Variants in ZDHHC3 observed in about 807,000 individuals in gnomAD.
ZDHHC3 encodes zDHHC palmitoyltransferase 3.
In ZDHHC3, 9 loss-of-function variants were observed where a neutral mutation model predicts 30.6. That is an observed-to-expected ratio of 0.29 (90% CI 0.18 to 0.51). The LOEUF is 0.51. ZDHHC3 is among the 20% of genes least tolerant of loss of function. ZDHHC3 has a pLI of 0.97. For synonymous variants in ZDHHC3, 136 were observed against 140.2 expected, an observed-to-expected ratio of 0.97 and a Z score of 0.21; for missense variants, 246 against 384.2, an observed-to-expected ratio of 0.64 and a Z score of 3.01.
intron 2 of ZDHHC3, among the ~76,000 whole-genome samples, chr3:44,948,355 A>C (rs1263024629): frequency 6.6e-6 from 1 of 152,186 alleles, no homozygotes; most frequent in Non-Finnish European, 1.5e-5. Context: ...AAACAGAAAA[A>C]TCTTTAAGTG....
intron 3 of ZDHHC3, among the ~76,000 whole-genome samples, chr3:44,943,795 C>T (rs898379117): frequency 3.3e-5 from 5 of 152,090 alleles, no homozygotes; most frequent in African/African-American, 1.2e-4. Context: ...CACTTGAGCC[C>T]AGGAGTTCGA....
rs567137555 is a variant in ZDHHC3 at position 44,917,447 on chromosome 3, G to A, written c.*9242C>T. On this transcript the variant is annotated 3_prime_UTR_variant, in exon 7 of 7. Transcript: ENST00000424952. ...CAGGTCCCCAAGGCAAGCCCTGCCC[G>A]GTCCTTCTGTCACAACCTTACTTCT... The A allele has an allele frequency of 2.2e-5, 4 of 181,106 alleles. No homozygotes were observed. The highest frequency in any genetic ancestry group is 3.6e-5 in the Non-Finnish European group (3 of 83,950). The allele number at this position is 181,106 out of a possible 1,614,324, so 11.2% of individuals were successfully genotyped here.
At position 44,918,946 on chromosome 3, in the gene ZDHHC3, G is replaced by C; in HGVS notation, c.*7743C>G. 1 of 985,604 alleles carries C rather than the reference G, an allele frequency of 1.0e-6. No homozygotes were observed. The highest frequency in any genetic ancestry group is 1.2e-6 in the Non-Finnish European group (1 of 830,078). 61.1% of individuals were successfully genotyped at this position (985,604 alleles called of 1,614,324 possible). ...CCTTTGACCCTCCACTGGGGGCACTGCTTTCTCCATCTCTTCTGGAAGCCA... is the reference window on the plus strand; with the variant it reads ...CCTTTGACCCTCCACTGGGGGCACTCCTTTCTCCATCTCTTCTGGAAGCCA... On this transcript the variant is annotated 3_prime_UTR_variant, in exon 7 of 7. Transcript: ENST00000424952.
At chr3:44,975,693 G>A (rs1427802112) in intron 1 of ZDHHC3, among the ~76,000 whole-genome samples, 1 of 151,540 alleles carries the variant, frequency 6.6e-6, no homozygotes, top group East Asian at 1.9e-4. Context: ...GGGGAGAAGA[G>A]CAGGGAAACA....
chr3:44,950,973 C>T (rs1259296663), intron 2 of ZDHHC3, among the ~76,000 whole-genome samples: 2 of 152,200 alleles, frequency 1.3e-5, no homozygotes, highest in Non-Finnish European at 2.9e-5. Context: ...TCAAAATGCA[C>T]TGACTTTATC....
intron 2 of ZDHHC3, among the ~76,000 whole-genome samples, chr3:44,954,233 G>A (rs988945498): frequency 9.2e-5 from 14 of 152,096 alleles, no homozygotes; most frequent in East Asian, 1.9e-4. Flanking sequence ...GTAGACAGAC[G>A]AATTTTCTTT....
intron 1 of ZDHHC3, among the ~76,000 whole-genome samples, chr3:44,972,529 C>T (rs1284323797): frequency 5.3e-5 from 8 of 152,146 alleles, no homozygotes; most frequent in Admixed American, 3.9e-4. Context: ...TTGTAACTGG[C>T]TTTTATTGGT....
At chr3:44,971,413 A>C (rs1433013900) in intron 1 of ZDHHC3, among the ~76,000 whole-genome samples, 2 of 152,284 alleles carry the variant, frequency 1.3e-5, no homozygotes, top group Non-Finnish European at 2.9e-5. Flanking sequence ...GTTGACAGCC[A>C]TGAATGAACT....
chr3:44,921,379 C>T lies in ZDHHC3; in HGVS notation c.*5310G>A, dbSNP rs1196121459. ...TCTCTTCATAGCGGGCCAGATAACA[C>T]TGTCTCTCCTCATCAGAGATTTCAT... On this transcript the variant is annotated 3_prime_UTR_variant, in exon 7 of 7. Transcript: ENST00000424952. 2.0e-6 allele frequency: 2 copies of T among 985,334 alleles called. No individual in the cohort carries two copies. Among genetic ancestry groups the T allele is most frequent in the African/African-American group, 3.5e-5 (2 of 57,248 alleles). The allele number at this position is 985,334 out of a possible 1,614,324, so 61.0% of individuals were successfully genotyped here.
intron 1 of ZDHHC3, among the ~76,000 whole-genome samples, chr3:44,961,947 T>TCTTTATAGAAAAGTTTATAGAAAA (rs1363728650): frequency 6.6e-6 from 1 of 152,234 alleles, no homozygotes; most frequent in Non-Finnish European, 1.5e-5. Context: ...ACTCCCTGGC[T>TCTTTATAGAAAAGTTTATAGAAAA]CTTTATAGAA....
Position 44,923,938 on chromosome 3 carries a change from G to C in ZDHHC3, c.*2751C>G, listed in dbSNP as rs1182333819. On this transcript the variant is annotated 3_prime_UTR_variant, in exon 7 of 7. Coordinates refer to ENST00000424952, the MANE Select transcript of ZDHHC3 (RefSeq NM_001135179.2). ...CCCATGCAAATATGCATAGATTATA[G>C]ATTTGCTTGGATCTAAGCCTTTTGC... 2.1e-5 allele frequency: 21 copies of C among 985,336 alleles called. No homozygotes were observed. Among genetic ancestry groups the C allele is most frequent in the Non-Finnish European group, 2.5e-5 (21 of 829,948 alleles). 61.0% of individuals were successfully genotyped at this position (985,336 alleles called of 1,614,324 possible). A position where few individuals can be genotyped will look rare whatever the true frequency, so the allele number is the denominator to read the frequency against.
In ZDHHC3 at chr3:44,922,242, C is replaced by T. The variant is rs1260039676; in HGVS notation, c.*4447G>A. ...CACACGTAGAAAGCAAAGGTCAAGA[C>T]GTGTTCAGGTCATGTATCCAGGCTG... On this transcript the variant is annotated 3_prime_UTR_variant, in exon 7 of 7. Coordinates refer to ENST00000424952, the MANE Select transcript of ZDHHC3 (RefSeq NM_001135179.2). 4.1e-6 allele frequency: 4 copies of T among 985,316 alleles called. No homozygotes were observed. The highest frequency in any genetic ancestry group is 5.2e-4 in the Middle Eastern group (1 of 1,936). The allele number at this position is 985,316 out of a possible 1,614,324, so 61.0% of individuals were successfully genotyped here. A position where few individuals can be genotyped will look rare whatever the true frequency, so the allele number is the denominator to read the frequency against.
At chr3:44,963,021 A>C (rs74900097) in intron 1 of ZDHHC3, among the ~76,000 whole-genome samples, 1 of 152,288 alleles carries the variant, frequency 6.6e-6, no homozygotes, top group Non-Finnish European at 1.5e-5. Flanking sequence ...GCCACTTAAT[A>C]CATGTGTTGA....
At chr3:44,950,440 T>C (rs974571332) in intron 2 of ZDHHC3, among the ~76,000 whole-genome samples, 3 of 152,150 alleles carry the variant, frequency 2.0e-5, no homozygotes, top group African/African-American at 7.2e-5. Flanking sequence ...GAATCAGAGC[T>C]CTTGTTTGGT....
intron 3 of ZDHHC3, among the ~76,000 whole-genome samples, chr3:44,936,437 A>G (rs993314236): frequency 6.6e-6 from 1 of 152,226 alleles, no homozygotes; most frequent in African/African-American, 2.4e-5. Flanking sequence ...CATTGTGGAA[A>G]GCAGTGTGGC....
chr3:44,918,930 C>T lies in ZDHHC3; in HGVS notation c.*7759G>A. ...ACACCCTGCACAGAGGCCTTTGACC[C>T]TCCACTGGGGGCACTGCTTTCTCCA... On this transcript the variant is annotated 3_prime_UTR_variant, in exon 7 of 7. Coordinates refer to ENST00000424952, the MANE Select transcript of ZDHHC3 (RefSeq NM_001135179.2). 1.0e-6 allele frequency: 1 copy of T among 985,560 alleles called. No individual in the cohort carries two copies. Among genetic ancestry groups the T allele is most frequent in the Non-Finnish European group, 1.2e-6 (1 of 830,038 alleles). 61.1% of individuals were successfully genotyped at this position (985,560 alleles called of 1,614,324 possible). A position where few individuals can be genotyped will look rare whatever the true frequency, so the allele number is the denominator to read the frequency against.
intron 2 of ZDHHC3, among the ~76,000 whole-genome samples, chr3:44,952,430 T>C (rs1334279201): frequency 6.6e-6 from 1 of 152,172 alleles, no homozygotes; most frequent in Admixed American, 6.5e-5. Flanking sequence ...CCCACTTCTA[T>C]CCTTTCTCCC....
At chr3:44,934,051 C>T (rs1701730105) in intron 3 of ZDHHC3, 67 bp from the exon 4 acceptor site, 1 of 1,469,816 alleles carries the variant, frequency 6.8e-7, no homozygotes. Context: ...CGGGGGAACG[C>T]AGAACCCATG....
At chr3:44,930,514 GA>G (rs1416738533) in intron 5 of ZDHHC3, among the ~76,000 whole-genome samples, 1 of 152,200 alleles carries the variant, frequency 6.6e-6, no homozygotes, top group East Asian at 1.9e-4. Flanking sequence ...TCCCTGGCTG[GA>G]AAGATCAGAT....
Sources: gnomAD v4.1 joint callset for allele counts (sites outside exome capture counted in the v4.1 genomes callset) on GRCh38, gnomAD v4.1.1 for gene constraint, MANE v1.5 for transcripts, NCBI Gene and HGNC (gene_info 2026-07-23, HGNC 2026-07-21) for gene names.